CTNS: variants seen among roughly 807,000 people sequenced by gnomAD.
CTNS encodes the protein cystinosin, lysosomal cystine transporter.
A neutral mutation model predicts 43.7 loss-of-function variants in CTNS; 27 were observed. The ratio of observed to expected loss-of-function variants is 0.62; its 90% CI spans 0.46 to 0.85. The LOEUF is 0.85. CTNS is among the 40% of genes least tolerant of loss of function. The pLI is 0.00. For missense variants in CTNS, 457 were observed against 475.4 expected (o/e 0.96, Z 0.36); for synonymous variants, 187 against 190.6 (o/e 0.98, Z 0.16).
intron 2 of CTNS, among the ~76,000 whole-genome samples, chr17:3,638,113 A>G (rs1375032964): frequency 6.6e-6 from 1 of 152,218 alleles, no homozygotes; most frequent in Non-Finnish European, 1.5e-5. Flanking sequence ...GGCCTGGACA[A>G]TAGTTAGAAC....
Position 3,638,137 on chromosome 17 carries a change from G to T in CTNS, c.-20+821G>T, listed in dbSNP as rs142373856. On this transcript the variant is annotated intron_variant, in intron 2 of 11. Transcript: ENST00000046640. Reference sequence around the variant, plus strand: ...AATAGTTAGAACTTACATAGGAAGGGCACGCCAGACAGAGCCCATTGTCAG... The same window carrying T: ...AATAGTTAGAACTTACATAGGAAGGTCACGCCAGACAGAGCCCATTGTCAG... Among the ~76,000 whole-genome samples, 1,081 of 152,212 alleles carry T rather than the reference G, an allele frequency of 7.1e-3. 48 individuals are homozygous for T. Among genetic ancestry groups the T allele is most frequent in the Admixed American group, 0.065 (987 of 15,276 alleles).
chr17:3,647,597 A>G (rs1209855223), intron 4 of CTNS, 75 bp downstream of exon 4: 9 of 1,302,946 alleles, frequency 6.9e-6, no homozygotes, highest in Non-Finnish European at 1.0e-5. Context: ...CCCCTGGCTC[A>G]GTCTGTTCAG....
At chr17:3,645,999 G>A in intron 3 of CTNS, among the ~76,000 whole-genome samples, 1 of 152,260 alleles carries the variant, frequency 6.6e-6, no homozygotes, top group African/African-American at 2.4e-5. Context: ...GACGGGGTCT[G>A]GGTCGGGGAA....
At position 3,657,999 on chromosome 17, in the gene CTNS, C is replaced by T. The variant is rs771702489; in HGVS notation, c.682-6C>T. On this transcript the variant is annotated splice_polypyrimidine_tract_variant and splice_region_variant and intron_variant, in intron 9 of 11. Transcript: ENST00000046640. ...GTCCACATCTCTGCCCTCCTCTCGC[C>T]CCCAGCGCGGTGGCCAGCGCGTGTC... The T allele has an allele frequency of 1.2e-5, 19 of 1,608,032 alleles. No homozygotes were observed. Among genetic ancestry groups the T allele is most frequent in the Admixed American group, 1.7e-5 (1 of 60,024 alleles).
At position 3,660,583 on chromosome 17, in the gene CTNS, C is replaced by T. The variant is rs372075822; in HGVS notation, c.*214C>T. ...GCCTCCCCGGCCAGGCACGTGGCAC[C>T]GTCGCCTTGACACCGCCATCTCTTT... is the stretch of plus-strand genomic sequence containing the variant. On this transcript the variant is annotated 3_prime_UTR_variant, in exon 12 of 12. Transcript: ENST00000046640. 3.0e-5 allele frequency: 49 copies of T among 1,613,212 alleles called. No homozygotes were observed. Among genetic ancestry groups the T allele is most frequent in the East Asian group, 2.7e-4 (12 of 44,880 alleles).
rs1567703300 is a variant in CTNS at position 3,649,457 on chromosome 17, A to AGG, written c.225+526_225+527insGG. Among the ~76,000 whole-genome samples, 685 of 151,820 alleles carry AGG rather than the reference A, an allele frequency of 4.5e-3. 7 individuals carry two copies. Among genetic ancestry groups the AGG allele is most frequent in the African/African-American group, 0.016 (657 of 41,314 alleles). On this transcript the variant is annotated intron_variant, in intron 5 of 11. Transcript: ENST00000046640. ...ACAGAGTGAGACTCCTTCTCAAAAA[A>AGG]AAAAAAAAAAAAAGTTCTTACAATT...
intron 9 of CTNS, among the ~76,000 whole-genome samples, chr17:3,657,091 A>C (rs1597656270): frequency 6.7e-6 from 1 of 150,216 alleles, no homozygotes; most frequent in East Asian, 2.0e-4. Flanking sequence ...AGGAGGGAGG[A>C]GGGCACAGAA....
intron 3 of CTNS, among the ~76,000 whole-genome samples, chr17:3,641,982 CTG>C (rs1158072952): frequency 6.6e-6 from 1 of 151,450 alleles, no homozygotes; most frequent in Non-Finnish European, 1.5e-5. Context: ...CTTTGTAAGA[CTG>C]AGGCTGGAGC....
At chr17:3,651,866 CA>C (rs1419962030) in intron 5 of CTNS, among the ~76,000 whole-genome samples, 1 of 150,804 alleles carries the variant, frequency 6.6e-6, no homozygotes, top group Admixed American at 6.7e-5. Context: ...CCCAGCTACT[CA>C]GGAGGCTGAG....
At chr17:3,656,936 CA>C in intron 9 of CTNS, 141 bp downstream of exon 9, 1 of 1,371,382 alleles carries the variant, frequency 7.3e-7, no homozygotes, top group Non-Finnish European at 1.0e-6. Flanking sequence ...GCATAGAAGA[CA>C]CCCATGAGTC....
intron 3 of CTNS, among the ~76,000 whole-genome samples, chr17:3,642,150 T>TATGTGTGCCCGGGC (rs2075735047): frequency 1.5e-5 from 1 of 65,120 alleles, no homozygotes; most frequent in East Asian, 2.9e-4. Flanking sequence ...GGCGTGTGTG[T>TATGTGTGCCCGGGC]GTGTGTGTGT....
Position 3,660,294 on chromosome 17 carries a change from C to T in CTNS, c.1029C>T (p.Ile343=), listed in dbSNP as rs147428183. Residue 343 remains isoleucine (I), a synonymous_variant, in exon 12 of 12, where the codon ATC becomes ATT. Transcript: ENST00000046640. ...AGTTTGGACTCGGGGTCTTCTCCAT[C>T]GTCTTCGACGTCGTCTTCTTCATCC... is the stretch of plus-strand genomic sequence containing the variant. The part of the protein sequence containing the change: ...PTKFGLGVFS[I]VFDVVFFIQH... The T allele has an allele frequency of 8.1e-6, 13 of 1,614,232 alleles. No individual in the cohort carries two copies. The highest frequency in any genetic ancestry group is 2.2e-5 in the East Asian group (1 of 44,888).
intron 5 of CTNS, among the ~76,000 whole-genome samples, chr17:3,649,323 G>A (rs1567703130): frequency 6.6e-6 from 1 of 151,996 alleles, no homozygotes; most frequent in Non-Finnish European, 1.5e-5. Context: ...GTGGTGGCAT[G>A]CACCTGTAAT....
chr17:3,650,797 T>C (rs2150910228), intron 5 of CTNS, among the ~76,000 whole-genome samples: 1 of 152,322 alleles, frequency 6.6e-6, no homozygotes, highest in African/African-American at 2.4e-5. Flanking sequence ...TATTCATTTA[T>C]TTTTTATTTT....
At chr17:3,651,063 A>G (rs2075970450) in intron 5 of CTNS, among the ~76,000 whole-genome samples, 1 of 151,342 alleles carries the variant, frequency 6.6e-6, no homozygotes, top group African/African-American at 2.4e-5. Context: ...ACGGCCTCCT[A>G]AAGTGCTGGG....
At chr17:3,645,737 A>G (rs1440734712) in intron 3 of CTNS, among the ~76,000 whole-genome samples, 2 of 151,874 alleles carry the variant, frequency 1.3e-5, no homozygotes, top group Admixed American at 6.6e-5. Context: ...CTGCATGCCT[A>G]TAATTCCAGC....
At chr17:3,648,605 C>A (rs1296466615) in intron 4 of CTNS, among the ~76,000 whole-genome samples, 1 of 152,216 alleles carries the variant, frequency 6.6e-6, no homozygotes, top group Non-Finnish European at 1.5e-5. Flanking sequence ...TTGTCATTCA[C>A]ACCCACCTTG....
chr17:3,642,041 CTGTGTGTGTGTGTGTACCCGGGCG>C (rs1406755447), intron 3 of CTNS, among the ~76,000 whole-genome samples: 3 of 143,892 alleles, frequency 2.1e-5, no homozygotes, highest in East Asian at 2.0e-4. Flanking sequence ...TTGCCTGGGC[CTGTGTGTGTGTGTGTACCCGGGCG>C]TGTGTGTGTG....
intron 2 of CTNS, among the ~76,000 whole-genome samples, chr17:3,638,653 A>G (rs2075600813): frequency 6.6e-6 from 1 of 152,206 alleles, no homozygotes; most frequent in African/African-American, 2.4e-5. Flanking sequence ...TTGCTGACCA[A>G]GTCTGTGAGT....
Sources: gnomAD v4.1 joint callset for allele counts (sites outside exome capture counted in the v4.1 genomes callset) on GRCh38, gnomAD v4.1.1 for gene constraint, MANE v1.5 for transcripts, NCBI Gene and HGNC (gene_info 2026-07-23, HGNC 2026-07-21) for gene names.